LRWD1: variants seen among roughly 807,000 people sequenced by gnomAD.
The protein encoded by LRWD1 is leucine rich repeats and WD repeat domain containing 1.
In LRWD1, 76 loss-of-function variants were observed where a neutral mutation model predicts 75.6. The ratio of observed to expected loss-of-function variants is 1.01; its 90% confidence interval spans 0.84 to 1.22. The LOEUF is 1.22. Among genes scored for constraint, LRWD1 ranks in the 50% most tolerant of loss-of-function variants. The pLI, the probability that LRWD1 is intolerant of heterozygous loss-of-function variation, is 0.00. For missense variants in LRWD1, 917 were observed against 862.0 expected, an observed-to-expected ratio of 1.06 and a Z score of -0.80; for synonymous variants, 487 against 377.0, an observed-to-expected ratio of 1.29 and a Z score of -3.38.
chr7:102,470,212 C>T (rs1051205855), intron 11 of LRWD1: 5 of 269,952 alleles, frequency 1.9e-5, no homozygotes, highest in African/African-American at 1.1e-4. Context: ...ATAATGTCCT[C>T]ATCTGTAAAG....
rs1181492303 is a variant in LRWD1, at chr7:102,466,265, A to G, written c.427A>G (p.Ser143Gly). 4 of 1,612,866 alleles carry G rather than the reference A, an allele frequency of 2.5e-6. No homozygotes were observed. Among genetic ancestry groups the G allele is most frequent in the Non-Finnish European group, 2.5e-6 (3 of 1,178,932 alleles). The change falls in exon 3 of 15, where the codon AGC (serine) becomes GGC (glycine). Residue 143 changes from serine (S) to glycine (G), a missense_variant. Ser to Gly is a moderately conservative substitution (Grantham distance 56). Transcript: ENST00000292616. ...GGAGAACCTGAATCGGGAGCTGACC[A>G]GCAGGGTAAGGGGATGAGAGGATTA... is the stretch of plus-strand genomic sequence containing the variant. The part of the protein sequence containing the change: ...QVENLNRELT[S>G]RVTAHWEKFM...
chr7:102,468,509 G>A, intron 7 of LRWD1, 45 bp from the exon 8 acceptor site: 1 of 1,550,714 alleles, frequency 6.4e-7, no homozygotes, highest in African/African-American at 1.4e-5. Context: ...GGACCTAGAT[G>A]GGAAATGTCT....
Position 102,466,160 on chromosome 7 carries a change from G to A in LRWD1, c.322G>A (p.Asp108Asn). 1 of 1,614,108 alleles carries A rather than the reference G, an allele frequency of 6.2e-7. No individual in the cohort carries two copies. Among genetic ancestry groups the A allele is most frequent in the Non-Finnish European group, 8.5e-7 (1 of 1,179,990 alleles). ...TTCACCCTCTCTTCCCCAGGTCAAT[G>A]ACAACCTGAAAGTCTCCTTTCTCCT... ...LEGNPFLTVN[D>N]NLKVSFLLPT... Residue 108 changes from aspartate to asparagine, a missense_variant, in exon 3 of 15, where the codon GAC (aspartate) becomes AAC (asparagine). Coordinates refer to ENST00000292616, the MANE Select transcript of LRWD1 (RefSeq NM_152892.3).
In LRWD1 at chr7:102,466,038, AC is replaced by A; in HGVS notation, c.306del (p.Phe103SerfsTer2). On this transcript the variant is annotated frameshift_variant, in exon 2 of 15. Coordinates refer to ENST00000292616, the MANE Select transcript of LRWD1 (RefSeq NM_152892.3). LOFTEE classifies it high-confidence loss of function. ...PKLEELSLEGNPFLTVNDNLK... is the reference protein window; with the variant it reads ...PKLEELSLEGXPFLTVNDNLK... ...CTCGAGGAACTCAGCCTGGAGGGCA[AC>A]CCCTTCCTGACGGTAAGTGGGAGCC... 1 of 1,613,908 alleles carries A rather than the reference AC, an allele frequency of 6.2e-7. No homozygotes were observed. The highest frequency in any genetic ancestry group is 8.5e-7 in the Non-Finnish European group (1 of 1,179,976).
intron 4 of LRWD1, 75 bp from the exon 5 acceptor site, chr7:102,467,644 C>T (rs1257277305): frequency 3.3e-6 from 5 of 1,508,574 alleles, no homozygotes; most frequent in Admixed American, 2.0e-5. Context: ...GCATAAGCTC[C>T]CCCTGACTAT....
In LRWD1 at chr7:102,468,618, G is replaced by T; in HGVS notation, c.984G>T (p.Thr328=). 6.3e-7 allele frequency: 1 copy of T among 1,576,396 alleles called. No individual in the cohort carries two copies. The change falls in exon 8 of 15, where the codon ACG becomes ACT. Residue 328 remains threonine, a synonymous_variant. Transcript: ENST00000292616. The part of the protein sequence containing the change: ...GEAVCVIDCQ[T]GIVLHKYKAP... ...CTGTGTGCGTAATTGATTGCCAGAC[G>T]GGCATCGTGCTCCACAAGTACAAGG...
At position 102,468,957 on chromosome 7, in the gene LRWD1, C is replaced by T. The variant is rs752346910; in HGVS notation, c.1123C>T (p.Arg375Trp). 20 of 1,612,610 alleles carry T rather than the reference C, an allele frequency of 1.2e-5. No homozygotes were observed. The highest frequency in any genetic ancestry group is 2.7e-5 in the African/African-American group (2 of 74,908). ...LAAAGLRGLVRLLHVRAGFCC... is the reference protein window; with the variant it reads ...LAAAGLRGLVWLLHVRAGFCC... ...GGCTGCAGGCCTACGGGGCCTGGTC[C>T]GGCTGCTGCACGTGCGTGCCGGCTT... The change falls in exon 9 of 15, where the codon CGG (arginine) becomes TGG (tryptophan). Residue 375 changes from arginine to tryptophan, a missense_variant. Arg to Trp is a moderately radical substitution (Grantham distance 101). Transcript: ENST00000292616.
chr7:102,465,000 A>T lies in LRWD1; in HGVS notation c.-81A>T. ...CCTGGGCTCAGTTACCGCGGACGCC[A>T]GTGCCGGGCTCCAGGAGACGCAGGG... On this transcript the variant is annotated 5_prime_UTR_variant, in exon 1 of 15. Transcript: ENST00000292616. 1 of 1,359,840 alleles carries T rather than the reference A, an allele frequency of 7.4e-7. No homozygotes were observed. The highest frequency in any genetic ancestry group is 1.5e-5 in the African/African-American group (1 of 64,818). 84.2% of individuals were successfully genotyped at this position (1,359,840 alleles called of 1,614,324 possible). A position where few individuals can be genotyped will look rare whatever the true frequency, so the allele number is the denominator to read the frequency against.
rs144678334 is a variant in LRWD1 at position 102,472,912 on chromosome 7, C to T, written c.1807C>T (p.Leu603=). ...PAALQAPTQI[L]KWPQPWALGQ... ...CCCTCCCCTCTCTCCCCACCAGATC[C>T]TGAAGTGGCCCCAGCCCTGGGCCCT... is the stretch of plus-strand genomic sequence containing the variant. Residue 603 remains leucine, a synonymous_variant, in exon 15 of 15, where the codon CTG becomes TTG. Coordinates refer to ENST00000292616, the MANE Select transcript of LRWD1 (RefSeq NM_152892.3). 6.2e-7 allele frequency: 1 copy of T among 1,613,652 alleles called. No homozygotes were observed. The highest frequency in any genetic ancestry group is 8.5e-7 in the Non-Finnish European group (1 of 1,179,840).
At position 102,473,005 on chromosome 7, in the gene LRWD1, G is replaced by C; in HGVS notation, c.1900G>C (p.Ala634Pro). ...CAATGCCTCCTTCACCTACCTCACCGCCCTGACGGACTCCAACATCGTAGC... is the reference window on the plus strand; with the variant it reads ...CAATGCCTCCTTCACCTACCTCACCCCCCTGACGGACTCCAACATCGTAGC... ...VANASFTYLT[A>P]LTDSNIVAIW... The change falls in exon 15 of 15, where the codon GCC becomes CCC. Residue 634 changes from alanine (A) to proline (P), a missense_variant. Transcript: ENST00000292616. 1 of 1,613,936 alleles carries C rather than the reference G, an allele frequency of 6.2e-7. No individual in the cohort carries two copies. Among genetic ancestry groups the C allele is most frequent in the Non-Finnish European group, 8.5e-7 (1 of 1,179,978 alleles).
intron 3 of LRWD1, among the ~76,000 whole-genome samples, 168 bp from the exon 4 acceptor site, chr7:102,467,171 G>GTGTGTGTGTGTGTGTGTGT (rs1554579596): frequency 7.1e-5 from 7 of 99,146 alleles, no homozygotes; most frequent in African/African-American, 2.2e-4. Flanking sequence ...GTGTGTGTGG[G>GTGTGTGTGTGTGTGTGTGT]GTGTGTGTGT....
At chr7:102,472,171 C>CTCTA (rs1322947886) in intron 11 of LRWD1, 47 bp from the exon 12 acceptor site, 2 of 1,534,180 alleles carry the variant, frequency 1.3e-6, no homozygotes, top group African/African-American at 1.4e-5. Flanking sequence ...GTGGGCAGCT[C>CTCTA]TCTATCTGCA....
rs146774716 is a variant in LRWD1, at chr7:102,468,624, C to T, written c.990C>T (p.Ile330=). Residue 330 remains isoleucine, a synonymous_variant, in exon 8 of 15, where the codon ATC becomes ATT. Coordinates refer to ENST00000292616, the MANE Select transcript of LRWD1 (RefSeq NM_152892.3). ...AVCVIDCQTG[I]VLHKYKAPGE... ...GCGTAATTGATTGCCAGACGGGCAT[C>T]GTGCTCCACAAGTACAAGGCACCCG... is the stretch of plus-strand genomic sequence containing the variant. 1.6e-4 allele frequency: 257 copies of T among 1,575,364 alleles called. No homozygotes were observed. In the East Asian group the frequency reaches 2.6e-3, roughly 16 times the overall value.
In LRWD1 at chr7:102,472,315, T is replaced by C; in HGVS notation, c.1534+6T>C. 1.3e-6 allele frequency: 2 copies of C among 1,566,326 alleles called. No individual in the cohort carries two copies. The highest frequency in any genetic ancestry group is 1.4e-5 in the African/African-American group (1 of 73,886). On this transcript the variant is annotated splice_donor_region_variant and intron_variant, in intron 12 of 14. Coordinates refer to ENST00000292616, the MANE Select transcript of LRWD1 (RefSeq NM_152892.3). ...TGTGAATGAGGACATCGTGGGTGAG[T>C]GAGCTCAGCTTGTGGGACAGCCTGG...
At chr7:102,467,178 G>A (rs1346443485) in intron 3 of LRWD1, among the ~76,000 whole-genome samples, 161 bp from the exon 4 acceptor site, 4 of 124,600 alleles carry the variant, frequency 3.2e-5, no homozygotes, top group African/African-American at 1.2e-4. Flanking sequence ...TGGGGTGTGT[G>A]TGTGTGTGTG....
chr7:102,473,105 G>C lies in LRWD1; in HGVS notation c.*56G>C. 1 of 1,487,366 alleles carries C rather than the reference G, an allele frequency of 6.7e-7. No homozygotes were observed. Among genetic ancestry groups the C allele is most frequent in the Non-Finnish European group, 9.1e-7 (1 of 1,104,560 alleles). The allele number at this position is 1,487,366 out of a possible 1,614,324, so 92.1% of individuals were successfully genotyped here. A position where few individuals can be genotyped will look rare whatever the true frequency, so the allele number is the denominator to read the frequency against. ...AGCTAACTAACTTATTCAGCTTTGG[G>C]CCGATGGGGGTGGGGGGGGGTCTTT... On this transcript the variant is annotated 3_prime_UTR_variant, in exon 15 of 15. Transcript: ENST00000292616.
chr7:102,469,579 T>G lies in LRWD1; in HGVS notation c.1234T>G (p.Ser412Ala). Residue 412 changes from serine to alanine, a missense_variant, in exon 10 of 15, where the codon TCC (serine) becomes GCC (alanine). Transcript: ENST00000292616. ...PAHETHLFTA[S>A]YDKRIILWDI... ...CTACCCCACCCCCTCTTCAGCGGCC[T>G]CCTATGACAAGCGGATCATCCTCTG... 1 of 1,614,100 alleles carries G rather than the reference T, an allele frequency of 6.2e-7. No homozygotes were observed. Among genetic ancestry groups the G allele is most frequent in the Non-Finnish European group, 8.5e-7 (1 of 1,179,972 alleles).
chr7:102,473,019 C>CAACA lies in LRWD1; in HGVS notation c.1915_1918dup (p.Ile640LysfsTer?), dbSNP rs1016240360. On this transcript the variant is annotated frameshift_variant, in exon 15 of 15. Transcript: ENST00000292616. LOFTEE classifies it high-confidence loss of function. ...CCTACCTCACCGCCCTGACGGACTC[C>CAACA]AACATCGTAGCCATCTGGGGGAGGA... 3.7e-6 allele frequency: 6 copies of CAACA among 1,613,812 alleles called. No homozygotes were observed. The highest frequency in any genetic ancestry group is 4.2e-6 in the Non-Finnish European group (5 of 1,179,954).
Position 102,472,944 on chromosome 7 carries a change from G to A in LRWD1, c.1839G>A (p.Gln613=). ...GGCCCCAGCCCTGGGCCCTTGGCCA[G>A]GTGGTGACCAAGACCATGGTGAACA... ...LKWPQPWALG[Q]VVTKTMVNTV... is the part of the protein sequence containing the mutation. The change falls in exon 15 of 15, where the codon CAG becomes CAA. Residue 613 remains glutamine (Q), a synonymous_variant. Transcript: ENST00000292616. 1.2e-6 allele frequency: 2 copies of A among 1,614,028 alleles called. No homozygotes were observed. Among genetic ancestry groups the A allele is most frequent in the Non-Finnish European group, 1.7e-6 (2 of 1,179,976 alleles).
Sources: allele counts gnomAD v4.1 joint callset (sites outside exome capture counted in the v4.1 genomes callset), GRCh38; gene constraint gnomAD v4.1.1; transcripts MANE v1.5; gene names NCBI Gene and HGNC (gene_info 2026-07-23, HGNC 2026-07-21).